The following SERGEF variants were observed in gnomAD, a reference collection of about 807,000 sequenced individuals.
SERGEF encodes the protein secretion regulating guanine nucleotide exchange factor, also known as secretion-regulating guanine nucleotide exchange factor.
SERGEF carries 51 observed loss-of-function variants against 50.0 expected under a neutral mutation model. That is an observed-to-expected ratio of 1.02 (90% CI 0.81 to 1.29). The LOEUF (loss-of-function observed/expected upper bound fraction) is 1.29, where lower values mean the gene tolerates loss of function less well. Ranked by LOEUF, SERGEF falls within the 50% of genes most tolerant of loss-of-function variation. SERGEF has a pLI of 0.00. For missense variants in SERGEF, 521 were observed against 557.0 expected, an observed-to-expected ratio of 0.94 and a Z score of 0.65; for synonymous variants, 205 against 212.4, an observed-to-expected ratio of 0.97 and a Z score of 0.30.
At chr11:18,011,914 C>G (rs1854204931) in intron 1 of SERGEF, among the ~76,000 whole-genome samples, 1 of 152,164 alleles carries the variant, frequency 6.6e-6, no homozygotes, top group Non-Finnish European at 1.5e-5. Context: ...CAATTGCCGC[C>G]TTGTACTGAT....
chr11:17,894,757 A>T (rs1024867430), intron 9 of SERGEF, among the ~76,000 whole-genome samples: 3 of 152,160 alleles, frequency 2.0e-5, no homozygotes, highest in Non-Finnish European at 4.4e-5. Flanking sequence ...TTTATCTCTG[A>T]ACTTCCTCAG....
chr11:17,923,972 C>T (rs1852206359), intron 9 of SERGEF, among the ~76,000 whole-genome samples: 1 of 152,184 alleles, frequency 6.6e-6, no homozygotes, highest in Non-Finnish European at 1.5e-5. Context: ...CAATTACTAG[C>T]TTTGCCAAGT....
chr11:17,876,102 G>A (rs746216661), intron 10 of SERGEF, among the ~76,000 whole-genome samples: 2 of 152,168 alleles, frequency 1.3e-5, no homozygotes, highest in Non-Finnish European at 2.9e-5. Context: ...GCACCCTGCA[G>A]GGCACCCACT....
chr11:17,894,468 C>T (rs1851585949), intron 9 of SERGEF, among the ~76,000 whole-genome samples: 1 of 152,152 alleles, frequency 6.6e-6, no homozygotes, highest in Non-Finnish European at 1.5e-5. Flanking sequence ...TAATTGCTTC[C>T]TCCTCTGGGT....
At chr11:18,006,893 T>C in intron 2 of SERGEF, 147 bp from the exon 3 acceptor site, 1 of 894,114 alleles carries the variant, frequency 1.1e-6, no homozygotes, top group Non-Finnish European at 1.7e-6. Flanking sequence ...GTTCATGTAT[T>C]CTGGAGCCAA....
chr11:17,909,060 G>A (rs1356588706), intron 9 of SERGEF, among the ~76,000 whole-genome samples: 1 of 152,182 alleles, frequency 6.6e-6, no homozygotes, highest in Non-Finnish European at 1.5e-5. Flanking sequence ...AATAAGCCTA[G>A]GCAGATCAAA....
intron 10 of SERGEF, among the ~76,000 whole-genome samples, chr11:17,829,879 C>CA (rs200610545): frequency 3.3e-5 from 5 of 152,050 alleles, no homozygotes; most frequent in African/African-American, 1.2e-4. Flanking sequence ...AAAAAGAAAA[C>CA]AAAAAACACA....
At chr11:17,935,907 G>A (rs1193465770) in intron 9 of SERGEF, among the ~76,000 whole-genome samples, 1 of 152,190 alleles carries the variant, frequency 6.6e-6, no homozygotes, top group Non-Finnish European at 1.5e-5. Flanking sequence ...GGGCAGCAGA[G>A]TGGAGGGAGC....
At chr11:17,812,245 A>T (rs1849889121) in intron 10 of SERGEF, among the ~76,000 whole-genome samples, 3 of 152,238 alleles carry the variant, frequency 2.0e-5, no homozygotes, top group Admixed American at 6.5e-5. Flanking sequence ...ACACATGCAA[A>T]GCAACAGCTC....
At chr11:17,819,681 G>T (rs1850041585) in intron 10 of SERGEF, among the ~76,000 whole-genome samples, 1 of 152,184 alleles carries the variant, frequency 6.6e-6, no homozygotes, top group African/African-American at 2.4e-5. Flanking sequence ...TACAAACCCA[G>T]AGAGTCCTTC....
intron 9 of SERGEF, among the ~76,000 whole-genome samples, chr11:17,907,535 T>C (rs1851872055): frequency 6.6e-6 from 1 of 152,242 alleles, no homozygotes; most frequent in Non-Finnish European, 1.5e-5. Flanking sequence ...TCTAAAAATG[T>C]AAGGCAGATA....
chr11:17,872,119 C>A (rs1319083232), intron 10 of SERGEF, among the ~76,000 whole-genome samples: 1 of 152,180 alleles, frequency 6.6e-6, no homozygotes, highest in Non-Finnish European at 1.5e-5. Context: ...CTTACAGACA[C>A]AATGTGTTGA....
chr11:17,801,784 C>T (rs1849674091), intron 10 of SERGEF, among the ~76,000 whole-genome samples: 1 of 152,096 alleles, frequency 6.6e-6, no homozygotes, highest in South Asian at 2.1e-4. Context: ...GTAGGAGCTA[C>T]CAGGTGAGCA....
At chr11:17,936,286 G>A (rs971450091) in intron 9 of SERGEF, among the ~76,000 whole-genome samples, 2 of 152,172 alleles carry the variant, frequency 1.3e-5, no homozygotes, top group Admixed American at 6.5e-5. Context: ...TACTGGATAA[G>A]ATGATTAAGT....
intron 10 of SERGEF, among the ~76,000 whole-genome samples, chr11:17,801,627 G>A (rs1464909434): frequency 1.3e-5 from 2 of 152,164 alleles, no homozygotes; most frequent in Admixed American, 1.3e-4. Flanking sequence ...AGGCTTGGGG[G>A]AGAAAATCAA....
chr11:17,862,832 C>A (rs1850950244), intron 10 of SERGEF, among the ~76,000 whole-genome samples: 1 of 152,122 alleles, frequency 6.6e-6, no homozygotes, highest in Admixed American at 6.5e-5. Flanking sequence ...TCAAAGCTGC[C>A]CAATGTCACA....
chr11:17,939,222 T>C (rs1272735124), intron 9 of SERGEF, among the ~76,000 whole-genome samples: 1 of 151,944 alleles, frequency 6.6e-6, no homozygotes, highest in African/African-American at 2.4e-5. Flanking sequence ...GAGGGGAAGG[T>C]TGGGGTAGAG....
chr11:17,830,036 C>T (rs1247770474), intron 10 of SERGEF, among the ~76,000 whole-genome samples: 1 of 152,258 alleles, frequency 6.6e-6, no homozygotes, highest in Non-Finnish European at 1.5e-5. Context: ...CCAAGGCCAA[C>T]TCCTTGGTGA....
intron 10 of SERGEF, among the ~76,000 whole-genome samples, chr11:17,862,835 A>G (rs964078854): frequency 3.9e-5 from 6 of 152,208 alleles, no homozygotes; most frequent in East Asian, 3.9e-4. Context: ...AAGCTGCCCA[A>G]TGTCACATGT....
Sources: gnomAD v4.1 joint callset for allele counts (sites outside exome capture counted in the v4.1 genomes callset) on GRCh38, gnomAD v4.1.1 for gene constraint, MANE v1.5 for transcripts, NCBI Gene and HGNC (gene_info 2026-07-23, HGNC 2026-07-21) for gene names.